The following KIRREL1 variants were observed in gnomAD, a reference collection of about 807,000 sequenced individuals.
The protein encoded by KIRREL1 is kirre like nephrin family adhesion molecule 1, also known as kin of IRRE-like protein 1.
KIRREL1 carries 25 observed loss-of-function variants against 83.3 expected under a neutral mutation model. The observed-to-expected ratio is 0.30, with a 90% CI of 0.22 to 0.42. The LOEUF is 0.42. Among genes scored for constraint, KIRREL1 ranks in the 10% least tolerant of loss-of-function variants. The probability of loss-of-function intolerance (pLI) is 1.00; values close to 1 mark genes in which losing one functional copy is unlikely to be tolerated. For missense variants in KIRREL1, 812 were observed against 1,032.3 expected (o/e 0.79, Z 2.92); for synonymous variants, 388 against 410.4 (o/e 0.95, Z 0.66).
chr1:158,082,943 T>C (rs868562480), intron 3 of KIRREL1, among the ~76,000 whole-genome samples: 7 of 152,292 alleles, frequency 4.6e-5, no homozygotes, highest in Middle Eastern at 6.8e-3. Flanking sequence ...CCAGAAAAAT[T>C]ATAATCAAAA....
rs1273243193 is a variant in KIRREL1, at chr1:158,096,987, C to T, written c.*1867C>T. ...CTGGGGGGCGACATTCCTGGCCAACCCCTTGTAGGAAGGACCAGATAATAC... is the reference window on the plus strand; with the variant it reads ...CTGGGGGGCGACATTCCTGGCCAACTCCTTGTAGGAAGGACCAGATAATAC... On this transcript the variant is annotated 3_prime_UTR_variant, in exon 15 of 15. Transcript: ENST00000359209. 1 of 456,746 alleles carries T rather than the reference C, an allele frequency of 2.2e-6. No homozygotes were observed. Among genetic ancestry groups the T allele is most frequent in the Non-Finnish European group, 4.4e-6 (1 of 227,008 alleles). The allele number at this position is 456,746 out of a possible 1,614,324, so 28.3% of individuals were successfully genotyped here.
At chr1:158,002,514 G>A (rs528074951) in intron 1 of KIRREL1, among the ~76,000 whole-genome samples, 3 of 152,328 alleles carry the variant, frequency 2.0e-5, no homozygotes, top group East Asian at 1.9e-4. Flanking sequence ...CACCAGGGGG[G>A]GTGAGAGCAT....
In KIRREL1 at chr1:158,095,448, T is replaced by G; in HGVS notation, c.*328T>G. On this transcript the variant is annotated 3_prime_UTR_variant, in exon 15 of 15. Coordinates refer to ENST00000359209, the MANE Select transcript of KIRREL1 (RefSeq NM_018240.7). ...GGCACTTTTTAGCATTCCCTTTCTA[T>G]CCCACCCCTCTGATCTCCCATAAGT... 1 of 241,378 alleles carries G rather than the reference T, an allele frequency of 4.1e-6. No homozygotes were observed. Among genetic ancestry groups the G allele is most frequent in the Non-Finnish European group, 7.9e-6 (1 of 126,048 alleles). The allele number at this position is 241,378 out of a possible 1,614,324, so 15.0% of individuals were successfully genotyped here. A position where few individuals can be genotyped will look rare whatever the true frequency, so the allele number is the denominator to read the frequency against.
intron 1 of KIRREL1, among the ~76,000 whole-genome samples, chr1:158,020,079 G>A (rs1571541810): frequency 2.0e-5 from 3 of 152,242 alleles, no homozygotes; most frequent in Admixed American, 2.0e-4. Flanking sequence ...GGCTGTGCAG[G>A]GAGCACATTG....
intron 1 of KIRREL1, among the ~76,000 whole-genome samples, chr1:158,074,362 G>C (rs1661607696): frequency 6.6e-6 from 1 of 152,148 alleles, no homozygotes. Flanking sequence ...GTCCACTCTA[G>C]GCCCCAGCTA....
intron 5 of KIRREL1, among the ~76,000 whole-genome samples, chr1:158,087,012 C>T (rs1662037189): frequency 6.6e-6 from 1 of 152,148 alleles, no homozygotes; most frequent in Non-Finnish European, 1.5e-5. Context: ...CCTCGGTTTC[C>T]AGTTCTGTAT....
chr1:158,080,110 C>T (rs1002822581), intron 3 of KIRREL1, among the ~76,000 whole-genome samples: 1 of 152,116 alleles, frequency 6.6e-6, no homozygotes, highest in Non-Finnish European at 1.5e-5. Flanking sequence ...GGTGTGTCAG[C>T]CCCATGCTCA....
At chr1:158,023,186 A>G (rs936917612) in intron 1 of KIRREL1, among the ~76,000 whole-genome samples, 1 of 152,050 alleles carries the variant, frequency 6.6e-6, no homozygotes, top group African/African-American at 2.4e-5. Flanking sequence ...TTCCTTTGGG[A>G]GTGGTGGGGA....
chr1:158,052,289 C>T (rs924985790), intron 1 of KIRREL1, among the ~76,000 whole-genome samples: 1 of 152,090 alleles, frequency 6.6e-6, no homozygotes, highest in African/African-American at 2.4e-5. Flanking sequence ...AGGAACTGTC[C>T]CGCTCCCAGC....
intron 7 of KIRREL1, 43 bp downstream of exon 7, chr1:158,088,197 C>T: frequency 6.2e-7 from 1 of 1,613,594 alleles, no homozygotes; most frequent in South Asian, 1.1e-5. Context: ...AGAGCAGGGG[C>T]CCCCAAAGGG....
In KIRREL1 at chr1:158,037,080, A is replaced by G. The variant is rs180841844; in HGVS notation, c.53-39033A>G. On this transcript the variant is annotated intron_variant, in intron 1 of 14. Transcript: ENST00000359209. ...AAATCCCAGAGGCTGCTGTGGGCCCATGGGTGTCATGCAGCAGCGAGTCCA... is the reference window on the plus strand; with the variant it reads ...AAATCCCAGAGGCTGCTGTGGGCCCGTGGGTGTCATGCAGCAGCGAGTCCA... Among the ~76,000 whole-genome samples, 936 of 152,278 alleles carry G rather than the reference A, an allele frequency of 6.1e-3. 6 individuals carry two copies. Among genetic ancestry groups the G allele is most frequent in the Admixed American group, 0.01 (155 of 15,300 alleles).
chr1:158,084,639 C>A lies in KIRREL1; in HGVS notation c.510+60C>A, dbSNP rs1661967704. The A allele has an allele frequency of 2.0e-6, 3 of 1,515,392 alleles. No individual in the cohort carries two copies. In the South Asian group the frequency reaches 3.7e-5, roughly 19 times the overall value. 93.9% of individuals were successfully genotyped at this position (1,515,392 alleles called of 1,614,324 possible). A position where few individuals can be genotyped will look rare whatever the true frequency, so the allele number is the denominator to read the frequency against. On this transcript the variant is annotated intron_variant, in intron 4 of 14. Transcript: ENST00000359209. ...GCCTAGCCCAGCTCACCTCTCCTTT[C>A]CCACAGGGGTTTCACCACAGACTCA... is the stretch of plus-strand genomic sequence containing the variant.
chr1:158,085,372 A>G (rs753135673), intron 4 of KIRREL1, among the ~76,000 whole-genome samples: 14 of 152,286 alleles, frequency 9.2e-5, no homozygotes, highest in South Asian at 6.2e-4. Context: ...TTCTGGCTTC[A>G]GTTCTGCCCT....
At chr1:158,081,811 G>A (rs896056550) in intron 3 of KIRREL1, among the ~76,000 whole-genome samples, 11 of 152,152 alleles carry the variant, frequency 7.2e-5, no homozygotes, top group Admixed American at 6.5e-4. Context: ...GGTGACAGAT[G>A]GGTAGTCTTT....
intron 3 of KIRREL1, among the ~76,000 whole-genome samples, chr1:158,081,639 A>G (rs1183829302): frequency 6.6e-6 from 1 of 152,244 alleles, no homozygotes; most frequent in East Asian, 1.9e-4. Context: ...AAACACATGC[A>G]CACATGGACA....
intron 1 of KIRREL1, among the ~76,000 whole-genome samples, chr1:158,021,745 G>C (rs1051931408): frequency 1.3e-5 from 2 of 152,184 alleles, no homozygotes; most frequent in African/African-American, 4.8e-5. Context: ...GGGTGTGGCA[G>C]CTGTGGTGGG....
chr1:158,077,869 G>A (rs1468087545), intron 2 of KIRREL1, 122 bp from the exon 3 acceptor site: 3 of 1,131,988 alleles, frequency 2.7e-6, no homozygotes, highest in Non-Finnish European at 3.9e-6. Flanking sequence ...CTGTGTCTGG[G>A]GCCTCACCTT....
chr1:158,006,942 CG>C (rs1659535522), intron 1 of KIRREL1, among the ~76,000 whole-genome samples: 1 of 152,180 alleles, frequency 6.6e-6, no homozygotes, highest in South Asian at 2.1e-4. Flanking sequence ...GTCCTTGTCC[CG>C]CCTTGCCAGG....
intron 1 of KIRREL1, among the ~76,000 whole-genome samples, chr1:158,067,728 G>T (rs990186179): frequency 6.6e-6 from 1 of 152,222 alleles, no homozygotes; most frequent in Admixed American, 6.5e-5. Flanking sequence ...TTCCTGGCAG[G>T]ACTGTGCTGG....
Sources: allele counts gnomAD v4.1 joint callset (sites outside exome capture counted in the v4.1 genomes callset), GRCh38; gene constraint gnomAD v4.1.1; transcripts MANE v1.5; gene names NCBI Gene and HGNC (gene_info 2026-07-23, HGNC 2026-07-21).